Variants in PCDHGB5 observed in about 807,000 individuals in gnomAD.
PCDHGB5 encodes the protein protocadherin gamma subfamily B, 5, also known as protocadherin gamma-B5.
Under a neutral mutation model 62.9 loss-of-function variants are expected in PCDHGB5, and 48 were observed. The ratio of observed to expected loss-of-function variants is 0.76; its 90% CI spans 0.61 to 0.97. PCDHGB5 has a LOEUF of 0.97. PCDHGB5 is among the 50% of genes least tolerant of loss of function. PCDHGB5 has a pLI of 0.00. For synonymous variants in PCDHGB5, 474 were observed against 511.2 expected (o/e 0.93, Z 0.98); for missense variants, 1,118 against 1,198.6 (o/e 0.93, Z 0.99).
Position 141,427,474 on chromosome 5 carries a change from A to T in PCDHGB5, c.2397+26950A>T, listed in dbSNP as rs373512099. On this transcript the variant is annotated intron_variant, in intron 1 of 3. Transcript: ENST00000617380. The stretch of plus-strand genomic sequence containing the variant: ...CCTTTTAGAATCGAATCTTCCGCCA[A>T]TAATGACTATAAGCTTGTAACAGAT... 10 of 520,294 alleles carry T rather than the reference A, an allele frequency of 1.9e-5. No individual in the cohort carries two copies. In the East Asian group the frequency reaches 2.1e-4, roughly 11 times the overall value. The allele number at this position is 520,294 out of a possible 1,614,324, so 32.2% of individuals were successfully genotyped here. A position where few individuals can be genotyped will look rare whatever the true frequency, so the allele number is the denominator to read the frequency against.
chr5:141,503,440 C>A (rs1185892958), intron 2 of PCDHGB5, among the ~76,000 whole-genome samples: 2 of 151,694 alleles, frequency 1.3e-5, no homozygotes, highest in African/African-American at 4.8e-5. Context: ...ACTAAAAATA[C>A]AAAAATTCGC....
At position 141,410,457 on chromosome 5, in the gene PCDHGB5, A is replaced by G. The variant is rs372920524; in HGVS notation, c.2397+9933A>G. 1.2e-6 allele frequency: 2 copies of G among 1,614,044 alleles called. No homozygotes were observed. ...AGTGAGGGGACTTTGCCTTATTCTTATAATCTGTGCATTGCACATACGGGT... is the reference window on the plus strand; with the variant it reads ...AGTGAGGGGACTTTGCCTTATTCTTGTAATCTGTGCATTGCACATACGGGT... On this transcript the variant is annotated intron_variant, in intron 1 of 3. Transcript: ENST00000617380.
chr5:141,453,791 A>G (rs979646024), intron 1 of PCDHGB5, among the ~76,000 whole-genome samples: 2 of 152,268 alleles, frequency 1.3e-5, no homozygotes, highest in African/African-American at 2.4e-5. Context: ...ATGGTATATT[A>G]ACTTTGAGTA....
chr5:141,418,081 C>T lies in PCDHGB5; in HGVS notation c.2397+17557C>T, dbSNP rs190197904. On this transcript the variant is annotated intron_variant, in intron 1 of 3. Transcript: ENST00000617380. Reference sequence around the variant, plus strand: ...TGCGAGTGAGCGCGGAGAAGCTGCACTTCAGCGTAGACGCGCAGAGCGGGG... The same window carrying T: ...TGCGAGTGAGCGCGGAGAAGCTGCATTTCAGCGTAGACGCGCAGAGCGGGG... 331 of 1,614,072 alleles carry T rather than the reference C, an allele frequency of 2.1e-4. 3 individuals are homozygous for T. The African/African-American group carries it at 4.0e-3, about 19-fold the overall frequency.
intron 1 of PCDHGB5, among the ~76,000 whole-genome samples, chr5:141,438,835 A>T (rs1591550617): frequency 6.7e-6 from 1 of 149,784 alleles, no homozygotes; most frequent in African/African-American, 2.5e-5. Flanking sequence ...CTAATTTTTT[A>T]AAATATTTTT....
chr5:141,494,948 G>C (rs909146), intron 2 of PCDHGB5, 83 bp downstream of exon 2: 1 of 1,608,226 alleles, frequency 6.2e-7, no homozygotes, highest in South Asian at 1.1e-5. Flanking sequence ...GGAGGGCCCA[G>C]CATTTGCTAC....
chr5:141,505,267 A>G (rs2099845018), intron 2 of PCDHGB5, 126 bp from the exon 3 acceptor site: 1 of 1,514,640 alleles, frequency 6.6e-7, no homozygotes, highest in Admixed American at 2.0e-5. Flanking sequence ...TACCTTGCTG[A>G]GAGAAACAGG....
At chr5:141,423,409 G>T (rs1168604361) in intron 1 of PCDHGB5, 1 of 1,614,148 alleles carries the variant, frequency 6.2e-7, no homozygotes, top group South Asian at 1.1e-5. Flanking sequence ...CCTGCTGCAG[G>T]CTTCTGAAGG....
intron 1 of PCDHGB5, among the ~76,000 whole-genome samples, chr5:141,473,942 GC>G (rs1443545533): frequency 1.3e-5 from 2 of 152,124 alleles, no homozygotes; most frequent in African/African-American, 4.8e-5. Context: ...AGTAGCTCAG[GC>G]CTGTAGTCCC....
chr5:141,408,144 G>C (rs868032463), intron 1 of PCDHGB5: 4 of 1,496,186 alleles, frequency 2.7e-6, no homozygotes, highest in East Asian at 2.5e-5. Context: ...CTTTTAGCGC[G>C]GTAGAGTGCA....
chr5:141,468,790 C>T (rs1215557602), intron 1 of PCDHGB5, among the ~76,000 whole-genome samples: 10 of 151,564 alleles, frequency 6.6e-5, no homozygotes, highest in African/African-American at 2.2e-4. Context: ...GGCGTGAACC[C>T]GGGAGGCGGA....
chr5:141,454,898 C>T (rs1426884791), intron 1 of PCDHGB5, among the ~76,000 whole-genome samples: 1 of 147,834 alleles, frequency 6.8e-6, no homozygotes, highest in Non-Finnish European at 1.5e-5. Flanking sequence ...AGCACCGCCT[C>T]CCGGGTTCAC....
Position 141,487,291 on chromosome 5 carries a change from C to T in PCDHGB5, c.2398-7516C>T, listed in dbSNP as rs748961925. The stretch of plus-strand genomic sequence containing the variant: ...TGGCAATTTGCTTTGTCTCCTTTGG[C>T]TCATTCGTGGCACTACTCTCTAAGT... On this transcript the variant is annotated intron_variant, in intron 1 of 3. Transcript: ENST00000617380. This position sits in a 1 kb window ranked among gnomAD's most constrained non-coding sequence, Gnocchi z 5.0. The T allele has an allele frequency of 1.9e-5, 30 of 1,614,036 alleles. No homozygotes were observed. Among genetic ancestry groups the T allele is most frequent in the Non-Finnish European group, 2.5e-5 (30 of 1,180,020 alleles).
chr5:141,507,578 C>T (rs1268451710), intron 3 of PCDHGB5, among the ~76,000 whole-genome samples: 1 of 152,220 alleles, frequency 6.6e-6, no homozygotes, highest in East Asian at 1.9e-4. Context: ...GAGGAGATGC[C>T]AAGTTGGCCT....
intron 1 of PCDHGB5, among the ~76,000 whole-genome samples, chr5:141,429,712 C>T (rs998121271): frequency 1.3e-5 from 2 of 151,994 alleles, no homozygotes; most frequent in African/African-American, 2.4e-5. Flanking sequence ...TAAATATTTA[C>T]GCTCATGAAA....
intron 1 of PCDHGB5, chr5:141,405,141 A>G (rs749502643): frequency 6.2e-7 from 1 of 1,613,980 alleles, no homozygotes; most frequent in South Asian, 1.1e-5. Flanking sequence ...GCTACCAGTG[A>G]TGGGTTGGCT....
chr5:141,421,864 C>T (rs1561797174), intron 1 of PCDHGB5: 2 of 1,613,766 alleles, frequency 1.2e-6, no homozygotes, highest in Non-Finnish European at 1.7e-6. Context: ...CCTGCTCCTC[C>T]TCACAGCTTT....
At position 141,487,116 on chromosome 5, in the gene PCDHGB5, A is replaced by G. The variant is rs749256818; in HGVS notation, c.2398-7691A>G. On this transcript the variant is annotated intron_variant, in intron 1 of 3. Transcript: ENST00000617380. This position sits in a 1 kb window ranked among gnomAD's most constrained non-coding sequence, Gnocchi z 5.0. ...CCACAGAAGCTGGTCATTGTGGTAA[A>G]GGATAGTGGTAGTCCACCACTCTCT... The G allele has an allele frequency of 3.1e-6, 5 of 1,614,022 alleles. No individual in the cohort carries two copies.
chr5:141,466,358 A>T (rs1210013683), intron 1 of PCDHGB5, among the ~76,000 whole-genome samples: 3 of 152,066 alleles, frequency 2.0e-5, no homozygotes, highest in Non-Finnish European at 4.4e-5. Context: ...GCTAATCTAG[A>T]TGTAATGGTT....
Sources: gnomAD v4.1 joint callset for allele counts (sites outside exome capture counted in the v4.1 genomes callset) on GRCh38, gnomAD v4.1.1 for gene constraint, Gnocchi (gnomAD v3.1) non-coding constraint, MANE v1.5 for transcripts, NCBI Gene and HGNC (gene_info 2026-07-23, HGNC 2026-07-21) for gene names.